Variants in CACNA1C observed in about 807,000 individuals in gnomAD.
The protein encoded by CACNA1C is voltage-dependent L-type calcium channel subunit alpha-1C.
Under a neutral mutation model 229.0 loss-of-function variants are expected in CACNA1C, and 30 were observed. The ratio of observed to expected loss-of-function variants is 0.13; its 90% CI spans 0.10 to 0.18. The LOEUF is 0.18. Ranked by LOEUF, CACNA1C falls within the 10% of genes least tolerant of loss-of-function variation. The probability of loss-of-function intolerance (pLI) is 1.00; values close to 1 mark genes in which losing one functional copy is unlikely to be tolerated. For missense variants in CACNA1C, 1,658 were observed against 2,845.0 expected, an observed-to-expected ratio of 0.58 and a Z score of 9.49; for synonymous variants, 1,114 against 1,132.5, an observed-to-expected ratio of 0.98 and a Z score of 0.33.
intron 11 of CACNA1C, among the ~76,000 whole-genome samples, chr12:2,560,848 T>TAAAAAAAAAAAAAAAAA (rs36012443): frequency 1.8e-5 from 2 of 113,096 alleles, no homozygotes; most frequent in African/African-American, 6.9e-5. Context: ...TTGGTTCTGG[T>TAAAAAAAAAAAAAAAAA]AAAAAAAAAA....
At chr12:2,531,698 G>A (rs1320948015) in intron 9 of CACNA1C, among the ~76,000 whole-genome samples, 1 of 152,186 alleles carries the variant, frequency 6.6e-6, no homozygotes, top group African/African-American at 2.4e-5. Flanking sequence ...CACGCATCCA[G>A]CAGCTGACTC....
chr12:2,323,049 C>T (rs1239551505), intron 3 of CACNA1C, among the ~76,000 whole-genome samples: 1 of 152,182 alleles, frequency 6.6e-6, no homozygotes, highest in Non-Finnish European at 1.5e-5. Context: ...CCTGCCTGTT[C>T]TCTGTGACGA....
At position 2,053,489 on chromosome 12, in the gene CACNA1C, C is replaced by G; in HGVS notation, c.-74C>G. ...GCCGGCCTCGGAGGAGGGATTAATC[C>G]AGACCCGCCGGGGGGTGTTTTCACA... On this transcript the variant is annotated 5_prime_UTR_variant, in exon 1 of 47. Coordinates refer to ENST00000399655, the MANE Select transcript of CACNA1C (RefSeq NM_000719.7). This position sits in a 1 kb window ranked among gnomAD's most constrained non-coding sequence, Gnocchi z 5.8. 1 of 1,535,398 alleles carries G rather than the reference C, an allele frequency of 6.5e-7. No individual in the cohort carries two copies. Among genetic ancestry groups the G allele is most frequent in the South Asian group, 1.2e-5 (1 of 81,752 alleles).
intron 1 of CACNA1C, among the ~76,000 whole-genome samples, chr12:2,099,216 A>G (rs2075434397): frequency 6.6e-6 from 1 of 152,258 alleles, no homozygotes; most frequent in South Asian, 2.1e-4. Flanking sequence ...GAAGAGAAAA[A>G]GGAAAGGATC....
chr12:2,052,730 C>A (rs2154501373), upstream of CACNA1C, among the ~76,000 whole-genome samples: 1 of 145,834 alleles, frequency 6.9e-6, no homozygotes, highest in South Asian at 2.1e-4. Context: ...CCTTTGACGT[C>A]ATGCGGGCGG....
intron 3 of CACNA1C, among the ~76,000 whole-genome samples, chr12:2,361,016 G>C (rs1369184537): frequency 6.6e-6 from 1 of 151,880 alleles, no homozygotes; most frequent in Non-Finnish European, 1.5e-5. Context: ...TCTGTTCTTT[G>C]GCCTCAGAAC....
intron 9 of CACNA1C, among the ~76,000 whole-genome samples, chr12:2,541,494 A>C (rs893692098): frequency 6.6e-6 from 1 of 152,170 alleles, no homozygotes; most frequent in Non-Finnish European, 1.5e-5. Flanking sequence ...ATCCCAGCAG[A>C]CTGGTGACCT....
At chr12:2,002,179 G>T (rs896769670) in intron 1 of CACNA1C, among the ~76,000 whole-genome samples, 1 of 151,988 alleles carries the variant, frequency 6.6e-6, no homozygotes, top group Non-Finnish European at 1.5e-5. Flanking sequence ...CCATTTTCAG[G>T]GCAATAAGAA....
chr12:2,443,429 C>T (rs2099247934), intron 3 of CACNA1C, among the ~76,000 whole-genome samples: 1 of 152,196 alleles, frequency 6.6e-6, no homozygotes, highest in Admixed American at 6.5e-5. Context: ...CTTTGAAAGT[C>T]TGGGTGTTTC....
chr12:1,991,343 T>G (rs113498916), intron 1 of CACNA1C: 14,463 of 420,286 alleles, frequency 0.034, 363 homozygotes, highest in Middle Eastern at 0.076. Flanking sequence ...AAACATAAAA[T>G]AAAATATGAA....
At chr12:2,293,235 G>A (rs769987797) in intron 3 of CACNA1C, among the ~76,000 whole-genome samples, 13 of 152,212 alleles carry the variant, frequency 8.5e-5, no homozygotes, top group Non-Finnish European at 1.9e-4. Context: ...GGCTCAACCT[G>A]TAGCATAAGT....
intron 34 of CACNA1C, among the ~76,000 whole-genome samples, chr12:2,657,249 CTTG>C (rs2095472625): frequency 1.3e-5 from 2 of 152,114 alleles, no homozygotes; most frequent in African/African-American, 4.8e-5. Flanking sequence ...AGTCTAGATA[CTTG>C]TTAAGGGGAA....
At chr12:2,686,604 C>G (rs2097514131) in intron 45 of CACNA1C, among the ~76,000 whole-genome samples, 1 of 152,220 alleles carries the variant, frequency 6.6e-6, no homozygotes, top group South Asian at 2.1e-4. Flanking sequence ...TGGCCTATGC[C>G]TCAGGGCACT....
In CACNA1C at chr12:2,457,684, G is replaced by A; in HGVS notation, c.735G>A (p.Leu245=). The change falls in exon 5 of 47, where the codon CTG becomes CTA. Residue 245 remains leucine (L), a synonymous_variant. Coordinates refer to ENST00000399655, the MANE Select transcript of CACNA1C (RefSeq NM_000719.7). ...ALRAFRVLRP[L]RLVSGVPSLQ... ...GGGCCTTCCGCGTGCTGCGCCCCCT[G>A]CGGCTGGTGTCCGGAGTCCCAAGTA... The A allele has an allele frequency of 6.3e-7, 1 of 1,599,876 alleles. No individual in the cohort carries two copies. Among genetic ancestry groups the A allele is most frequent in the Non-Finnish European group, 8.5e-7 (1 of 1,173,982 alleles).
chr12:2,199,229 G>A (rs779788093), intron 3 of CACNA1C, among the ~76,000 whole-genome samples: 14 of 152,084 alleles, frequency 9.2e-5, no homozygotes, highest in African/African-American at 2.7e-4. Context: ...CAGGGACGTT[G>A]CACTTGCTAC....
chr12:2,002,950 G>C (rs765222394), intron 1 of CACNA1C, among the ~76,000 whole-genome samples: 7 of 152,092 alleles, frequency 4.6e-5, no homozygotes, highest in Non-Finnish European at 8.8e-5. Context: ...AATTCCCCTG[G>C]AAACTAGGGG....
intron 3 of CACNA1C, among the ~76,000 whole-genome samples, chr12:2,124,061 C>T (rs1220076804): frequency 1.3e-5 from 2 of 151,790 alleles, no homozygotes; most frequent in African/African-American, 4.8e-5. Context: ...TTACAGTCAC[C>T]TCCTTCCTGC....
In CACNA1C at chr12:2,601,985, G is replaced by A. The variant is rs769940981; in HGVS notation, c.2960+25G>A. 2.5e-5 allele frequency: 36 copies of A among 1,459,752 alleles called. No homozygotes were observed. The East Asian group carries it at 3.2e-4, about 13-fold the overall frequency. The allele number at this position is 1,459,752 out of a possible 1,614,324, so 90.4% of individuals were successfully genotyped here. ...AGTGAGTGGGAGCCCCTCAGCCCAC[G>A]ATGGGCCATGCAGCTAGCAAGGGGT... On this transcript the variant is annotated intron_variant, in intron 22 of 46. Coordinates refer to ENST00000399655, the MANE Select transcript of CACNA1C (RefSeq NM_000719.7). The surrounding 1 kb of genome is among the most constrained non-coding windows in gnomAD (Gnocchi z 5.9).
chr12:2,183,858 C>A (rs146724687), intron 3 of CACNA1C, among the ~76,000 whole-genome samples: 62 of 152,348 alleles, frequency 4.1e-4, no homozygotes, highest in Middle Eastern at 3.4e-3. Flanking sequence ...TCTTAAGATA[C>A]TTAGTTGTCA....
Sources: allele counts gnomAD v4.1 joint callset (sites outside exome capture counted in the v4.1 genomes callset), GRCh38; gene constraint gnomAD v4.1.1; non-coding constraint Gnocchi (gnomAD v3.1); transcripts MANE v1.5; gene names NCBI Gene and HGNC (gene_info 2026-07-23, HGNC 2026-07-21).